MIPOL1: variants seen among roughly 807,000 people sequenced by gnomAD.
The protein encoded by MIPOL1 is mirror-image polydactyly 1.
A neutral mutation model predicts 60.9 loss-of-function variants in MIPOL1; 57 were observed. The observed-to-expected ratio is 0.94, with a 90% CI of 0.76 to 1.17. The LOEUF (loss-of-function observed/expected upper bound fraction) is 1.17. Among genes scored for constraint, MIPOL1 ranks in the 50% most tolerant of loss-of-function variants. The pLI is 0.00. For missense variants in MIPOL1, 551 were observed against 511.6 expected, an observed-to-expected ratio of 1.08 and a Z score of -0.74; for synonymous variants, 179 against 168.8, an observed-to-expected ratio of 1.06 and a Z score of -0.47.
chr14:37,445,672 A>G (rs1308857294), intron 11 of MIPOL1, among the ~76,000 whole-genome samples: 2 of 152,016 alleles, frequency 1.3e-5, no homozygotes, highest in Non-Finnish European at 2.9e-5. Flanking sequence ...ACTTCAAACT[A>G]TACTACAAGG....
At chr14:37,210,719 A>G (rs1966770661) in intron 1 of MIPOL1, among the ~76,000 whole-genome samples, 1 of 152,146 alleles carries the variant, frequency 6.6e-6, no homozygotes, top group African/African-American at 2.4e-5. Flanking sequence ...AGCAATAGGG[A>G]AAGTCACAAA....
At chr14:37,356,632 A>T (rs1281835735) in intron 9 of MIPOL1, among the ~76,000 whole-genome samples, 1 of 152,316 alleles carries the variant, frequency 6.6e-6, no homozygotes, top group East Asian at 1.9e-4. Flanking sequence ...TAAGCCTGTC[A>T]GAAAAGCGCA....
intron 11 of MIPOL1, among the ~76,000 whole-genome samples, chr14:37,434,261 A>G (rs1217492096): frequency 6.6e-6 from 1 of 151,946 alleles, no homozygotes; most frequent in Non-Finnish European, 1.5e-5. Context: ...TGTGGTTTTG[A>G]TTTGCATTTC....
At chr14:37,533,008 G>C (rs191621865) in intron 12 of MIPOL1, among the ~76,000 whole-genome samples, 1 of 152,102 alleles carries the variant, frequency 6.6e-6, no homozygotes, top group Admixed American at 6.6e-5. Flanking sequence ...GAAAATATAT[G>C]CATATGTGTT....
intron 11 of MIPOL1, among the ~76,000 whole-genome samples, chr14:37,471,947 C>G (rs1054011007): frequency 2.6e-5 from 4 of 152,170 alleles, no homozygotes; most frequent in Non-Finnish European, 4.4e-5. Flanking sequence ...AGTAGTCACT[C>G]ATTTATAGGA....
At chr14:37,369,384 T>C in intron 9 of MIPOL1, 133 bp from the exon 10 acceptor site, 1 of 443,764 alleles carries the variant, frequency 2.3e-6, no homozygotes. Context: ...TTACTTTTAC[T>C]TACCATTCTT....
intron 9 of MIPOL1, among the ~76,000 whole-genome samples, chr14:37,358,640 G>C (rs1227457903): frequency 6.6e-6 from 1 of 152,092 alleles, no homozygotes; most frequent in Non-Finnish European, 1.5e-5. Flanking sequence ...GTCTTCTTTT[G>C]AGAAGTGTCT....
At position 37,257,554 on chromosome 14, in the gene MIPOL1, G is replaced by T. The variant is rs532444001; in HGVS notation, c.20-9384G>T. ...TCTTGACATTTTTTATCTGCCAAAGGCAGGTTTCATTTGGAATCTTAATCT... is the reference window on the plus strand; with the variant it reads ...TCTTGACATTTTTTATCTGCCAAAGTCAGGTTTCATTTGGAATCTTAATCT... On this transcript the variant is annotated intron_variant, in intron 3 of 12. Transcript: ENST00000684589. Among the ~76,000 whole-genome samples the T allele has an allele frequency of 2.0e-5, 3 of 152,020 alleles. No individual in the cohort carries two copies. The East Asian group carries it at 5.8e-4, about 29-fold the overall frequency.
chr14:37,494,775 T>C (rs923802755), intron 11 of MIPOL1, among the ~76,000 whole-genome samples: 1 of 152,228 alleles, frequency 6.6e-6, no homozygotes, highest in Non-Finnish European at 1.5e-5. Flanking sequence ...AAGACTGTTT[T>C]CTGAATGCAA....
At chr14:37,204,338 T>C (rs1170955544) in intron 1 of MIPOL1, among the ~76,000 whole-genome samples, 1 of 152,194 alleles carries the variant, frequency 6.6e-6, no homozygotes, top group Non-Finnish European at 1.5e-5. Context: ...ATGTGTATTG[T>C]TTTAAGCTGT....
rs144685857 is a variant in MIPOL1 at position 37,512,555 on chromosome 14, G to A, written c.1262+12417G>A. ...ACTTTTGTTGCTGGCTCCAGAATCC[G>A]ATTTTATCCATAATGAAAAATAATT... On this transcript the variant is annotated intron_variant, in intron 12 of 12. Coordinates refer to ENST00000684589, the MANE Select transcript of MIPOL1 (RefSeq NM_001388067.1). 7.3e-5 allele frequency among the ~76,000 whole-genome samples: 11 copies of A among 150,052 alleles called. No homozygotes were observed. The South Asian group carries it at 8.4e-4, about 11-fold the overall frequency.
chr14:37,257,718 G>A (rs540130709), intron 3 of MIPOL1, among the ~76,000 whole-genome samples: 2 of 152,234 alleles, frequency 1.3e-5, no homozygotes, highest in South Asian at 2.1e-4. Flanking sequence ...TTCAGTCAGC[G>A]CTGTGGAGAA....
At chr14:37,531,723 C>G (rs552192447) in intron 12 of MIPOL1, among the ~76,000 whole-genome samples, 1 of 152,220 alleles carries the variant, frequency 6.6e-6, no homozygotes, top group Non-Finnish European at 1.5e-5. Context: ...AGGATTTTGT[C>G]AGGAGACAGG....
chr14:37,428,255 G>T (rs1312873339), intron 11 of MIPOL1, among the ~76,000 whole-genome samples: 8 of 152,042 alleles, frequency 5.3e-5, no homozygotes, highest in Non-Finnish European at 1.2e-4. Context: ...TCGTTTTAGG[G>T]GCAGATTAAA....
intron 6 of MIPOL1, among the ~76,000 whole-genome samples, chr14:37,283,652 G>A (rs1041119876): frequency 6.6e-6 from 1 of 152,128 alleles, no homozygotes; most frequent in African/African-American, 2.4e-5. Context: ...TACTGTAGTG[G>A]TAGAATGGAA....
At chr14:37,357,640 C>T (rs1487266227) in intron 9 of MIPOL1, among the ~76,000 whole-genome samples, 1 of 151,864 alleles carries the variant, frequency 6.6e-6, no homozygotes, top group East Asian at 1.9e-4. Flanking sequence ...GTTTGAGCTC[C>T]TTATATATCC....
intron 11 of MIPOL1, among the ~76,000 whole-genome samples, chr14:37,485,571 A>C (rs188931429): frequency 1.3e-5 from 2 of 152,204 alleles, no homozygotes; most frequent in Admixed American, 1.3e-4. Context: ...ATTTGCATTT[A>C]TCTAATGACC....
chr14:37,545,552 ATAAACT>A (rs2095544194), intron 12 of MIPOL1: 1 of 499,904 alleles, frequency 2.0e-6, no homozygotes, highest in Non-Finnish European at 3.6e-6. Flanking sequence ...GTTTGTAGTA[ATAAACT>A]TAGACAAGAT....
At chr14:37,341,611 A>T (rs1335262190) in intron 9 of MIPOL1, among the ~76,000 whole-genome samples, 2 of 152,162 alleles carry the variant, frequency 1.3e-5, no homozygotes, top group East Asian at 1.9e-4. Flanking sequence ...ATTATTTTTT[A>T]AATTTTTTTT....
Sources: gnomAD v4.1 joint callset for allele counts (sites outside exome capture counted in the v4.1 genomes callset) on GRCh38, gnomAD v4.1.1 for gene constraint, MANE v1.5 for transcripts, NCBI Gene and HGNC (gene_info 2026-07-23, HGNC 2026-07-21) for gene names.